The following NR6A1 variants were observed in gnomAD, a reference collection of about 807,000 sequenced individuals.
NR6A1 encodes the protein nuclear receptor subfamily 6 group A member 1, also known as retinoic acid receptor-related testis-associated receptor.
Under a neutral mutation model 59.1 loss-of-function variants are expected in NR6A1, and 7 were observed. The ratio of observed to expected loss-of-function variants is 0.12; its 90% CI spans 0.07 to 0.22. The LOEUF (loss-of-function observed/expected upper bound fraction) is 0.22, where lower values mean the gene tolerates loss of function less well. Among genes scored for constraint, NR6A1 ranks in the 10% least tolerant of loss-of-function variants. NR6A1 has a pLI of 1.00. For synonymous variants in NR6A1, 243 were observed against 236.1 expected (o/e 1.03, Z -0.27); for missense variants, 468 against 611.6 (o/e 0.77, Z 2.48).
chr9:124,669,655 C>A (rs986059515), intron 2 of NR6A1, among the ~76,000 whole-genome samples: 14 of 152,214 alleles, frequency 9.2e-5, no homozygotes, highest in Non-Finnish European at 1.9e-4. Flanking sequence ...GGGATAGATT[C>A]CATTAGCATG....
chr9:124,737,399 A>C (rs952762267), intron 1 of NR6A1, among the ~76,000 whole-genome samples: 1 of 152,224 alleles, frequency 6.6e-6, no homozygotes, highest in African/African-American at 2.4e-5. Flanking sequence ...GGCCACAGCT[A>C]GCTACTATTG....
In NR6A1 at chr9:124,673,814, A is replaced by C. The variant is rs1219583074; in HGVS notation, c.142+59494T>G. Among the ~76,000 whole-genome samples the C allele has an allele frequency of 5.8e-4, 88 of 152,192 alleles. 1 individual carries two copies. Among genetic ancestry groups the C allele is most frequent in the Non-Finnish European group, 1.0e-4 (7 of 68,024 alleles). ...TCTATTGTGAGCGCCTAAAGAAGAT[A>C]AGCAAGGGCAATAATTAATCAACAA... On this transcript the variant is annotated intron_variant, in intron 2 of 9. Coordinates refer to ENST00000487099, the MANE Select transcript of NR6A1 (RefSeq NM_033334.4).
Position 124,760,731 on chromosome 9 carries a change from A to G in NR6A1, c.100+10289T>C, listed in dbSNP as rs1332309783. Among the ~76,000 whole-genome samples the G allele has an allele frequency of 3.3e-5, 5 of 152,256 alleles. No individual in the cohort carries two copies. The East Asian group carries it at 9.6e-4, about 29-fold the overall frequency. ...GACGATAAATATACATAAGGTGTTTAGATTATAAACACTATGTAAATGTTA... is the reference window on the plus strand; with the variant it reads ...GACGATAAATATACATAAGGTGTTTGGATTATAAACACTATGTAAATGTTA... On this transcript the variant is annotated intron_variant, in intron 1 of 9. Transcript: ENST00000487099.
chr9:124,564,265 T>C (rs960841027), intron 2 of NR6A1, among the ~76,000 whole-genome samples: 4 of 152,160 alleles, frequency 2.6e-5, no homozygotes, highest in African/African-American at 9.6e-5. Context: ...CACTGAATCA[T>C]AAAATGTTTA....
intron 8 of NR6A1, 139 bp downstream of exon 8, chr9:124,526,640 C>G: frequency 7.8e-7 from 1 of 1,279,332 alleles, no homozygotes; most frequent in Non-Finnish European, 1.1e-6. Flanking sequence ...GTGCACAAGT[C>G]TTCCTGGATT....
chr9:124,693,195 T>TA (rs1465692518), intron 2 of NR6A1, among the ~76,000 whole-genome samples: 1 of 152,142 alleles, frequency 6.6e-6, no homozygotes, highest in African/African-American at 2.4e-5. Context: ...TTTGACCCCC[T>TA]AAGCAAGTGT....
At chr9:124,616,600 A>G (rs1464181411) in intron 2 of NR6A1, among the ~76,000 whole-genome samples, 1 of 152,096 alleles carries the variant, frequency 6.6e-6, no homozygotes, top group Admixed American at 6.5e-5. Flanking sequence ...ATCCCAAAAT[A>G]TATATACATA....
chr9:124,542,540 G>A (rs966584775), intron 4 of NR6A1, among the ~76,000 whole-genome samples: 3 of 152,060 alleles, frequency 2.0e-5, no homozygotes, highest in Admixed American at 2.0e-4. Context: ...TCTCTTGCCT[G>A]TACTTCTGTG....
intron 1 of NR6A1, among the ~76,000 whole-genome samples, chr9:124,755,622 T>C (rs901857586): frequency 6.6e-6 from 1 of 152,180 alleles, no homozygotes; most frequent in Non-Finnish European, 1.5e-5. Context: ...GTCCTTTCTA[T>C]CAATAAGATA....
chr9:124,554,151 TC>T (rs1247354575), intron 3 of NR6A1, among the ~76,000 whole-genome samples, 176 bp downstream of exon 3: 1 of 152,156 alleles, frequency 6.6e-6, no homozygotes, highest in Non-Finnish European at 1.5e-5. Flanking sequence ...CTAGTTTTCT[TC>T]CCCCCACCTA....
intron 2 of NR6A1, among the ~76,000 whole-genome samples, chr9:124,723,858 A>C (rs1471703006): frequency 6.6e-6 from 1 of 152,236 alleles, no homozygotes; most frequent in African/African-American, 2.4e-5. Flanking sequence ...CAGTGAAGCC[A>C]AGTTGAATCC....
At position 124,627,227 on chromosome 9, in the gene NR6A1, G is replaced by C. The variant is rs188666493; in HGVS notation, c.143-72657C>G. On this transcript the variant is annotated intron_variant, in intron 2 of 9. Transcript: ENST00000487099. ...TGTTTTGGCCTAGGTCATGTACCTA[G>C]AATGTAGTGTAACTGAGATCAGAAC... Among the ~76,000 whole-genome samples the C allele has an allele frequency of 1.6e-4, 25 of 152,312 alleles. No homozygotes were observed. The East Asian group carries it at 4.3e-3, about 26-fold the overall frequency.
At chr9:124,666,200 CA>C (rs952766947) in intron 2 of NR6A1, among the ~76,000 whole-genome samples, 15 of 144,154 alleles carry the variant, frequency 1.0e-4, no homozygotes, top group African/African-American at 2.0e-4. Context: ...ACAGTTACAC[CA>C]AAAAAAAAGA....
At chr9:124,653,014 T>A (rs1837149085) in intron 2 of NR6A1, among the ~76,000 whole-genome samples, 1 of 152,222 alleles carries the variant, frequency 6.6e-6, no homozygotes, top group Admixed American at 6.5e-5. Context: ...GAAATTTACA[T>A]TTTGTATAAT....
intron 2 of NR6A1, among the ~76,000 whole-genome samples, chr9:124,706,898 A>G (rs562612085): frequency 6.6e-6 from 1 of 152,272 alleles, no homozygotes; most frequent in East Asian, 1.9e-4. Context: ...AGTCAGCCAC[A>G]AAGCCTATTG....
chr9:124,676,145 C>T (rs1450206078), intron 2 of NR6A1, among the ~76,000 whole-genome samples: 1 of 152,110 alleles, frequency 6.6e-6, no homozygotes, highest in African/African-American at 2.4e-5. Context: ...TGCTCAGAAG[C>T]ATGTGACAGG....
At position 124,679,766 on chromosome 9, in the gene NR6A1, G is replaced by A. The variant is rs143257052; in HGVS notation, c.142+53542C>T. On this transcript the variant is annotated intron_variant, in intron 2 of 9. Coordinates refer to ENST00000487099, the MANE Select transcript of NR6A1 (RefSeq NM_033334.4). ...AAAAAAATTAGCCGGTCATGGTGGC[G>A]AATGCCTTTAATCTCAGCTTCATGG... Among the ~76,000 whole-genome samples the A allele has an allele frequency of 8.4e-4, 128 of 151,832 alleles. 2 individuals carry two copies. The highest frequency in any genetic ancestry group is 2.4e-3 in the African/African-American group (100 of 41,412).
intron 2 of NR6A1, among the ~76,000 whole-genome samples, chr9:124,696,184 G>C (rs913939316): frequency 1.2e-4 from 18 of 152,124 alleles, no homozygotes; most frequent in African/African-American, 4.3e-4. Context: ...GTCCAACAGA[G>C]AGCCGTTTTA....
intron 2 of NR6A1, among the ~76,000 whole-genome samples, chr9:124,602,218 T>G (rs893410209): frequency 6.6e-6 from 1 of 152,306 alleles, no homozygotes; most frequent in East Asian, 1.9e-4. Context: ...GATTATAACA[T>G]GAATAAATAA....
Sources: allele counts gnomAD v4.1 joint callset (sites outside exome capture counted in the v4.1 genomes callset), GRCh38; gene constraint gnomAD v4.1.1; transcripts MANE v1.5; gene names NCBI Gene and HGNC (gene_info 2026-07-23, HGNC 2026-07-21).